The following SPIDR variants were observed in gnomAD, a reference collection of about 807,000 sequenced individuals.
SPIDR encodes the protein DNA repair-scaffolding protein.
In SPIDR, 93 loss-of-function variants were observed where a neutral mutation model predicts 104.6. The ratio of observed to expected loss-of-function variants is 0.89; its 90% confidence interval spans 0.75 to 1.06. The LOEUF (loss-of-function observed/expected upper bound fraction) is 1.06, where lower values mean the gene tolerates loss of function less well. SPIDR is among the 50% of genes least tolerant of loss of function. SPIDR has a pLI of 0.00. For missense variants in SPIDR, 1,154 were observed against 1,111.2 expected (o/e 1.04, Z -0.55); for synonymous variants, 431 against 416.9 (o/e 1.03, Z -0.41).
At chr8:47,712,249 C>CT (rs1282275173) in intron 14 of SPIDR, among the ~76,000 whole-genome samples, 4 of 152,208 alleles carry the variant, frequency 2.6e-5, no homozygotes, top group Non-Finnish European at 5.9e-5. Context: ...TGTACAAAGT[C>CT]TGAGGGCAAG....
At chr8:47,341,686 T>G (rs1478915165) in intron 5 of SPIDR, among the ~76,000 whole-genome samples, 3 of 152,212 alleles carry the variant, frequency 2.0e-5, no homozygotes, top group African/African-American at 7.2e-5. Flanking sequence ...ACCCACTTCC[T>G]AAGTTTTGGT....
At chr8:47,660,924 G>A (rs546138197) in intron 10 of SPIDR, 10 of 985,134 alleles carry the variant, frequency 1.0e-5, no homozygotes, top group Non-Finnish European at 1.2e-5. Flanking sequence ...GTAGGTGAAG[G>A]AAACCAAGAT....
intron 10 of SPIDR, among the ~76,000 whole-genome samples, chr8:47,628,984 C>G (rs2066632062): frequency 6.6e-6 from 1 of 152,104 alleles, no homozygotes; most frequent in African/African-American, 2.4e-5. Context: ...GAGTTTAGGG[C>G]CTTTGAAAAG....
intron 8 of SPIDR, among the ~76,000 whole-genome samples, chr8:47,465,982 A>T (rs2074711588): frequency 6.6e-6 from 1 of 152,126 alleles, no homozygotes; most frequent in Non-Finnish European, 1.5e-5. Flanking sequence ...AACTCCCCTA[A>T]ATATATATAC....
intron 5 of SPIDR, among the ~76,000 whole-genome samples, chr8:47,345,190 G>C (rs539753781): frequency 1.2e-4 from 18 of 152,314 alleles, no homozygotes; most frequent in African/African-American, 3.4e-4. Flanking sequence ...TGGCTAGCCA[G>C]TTTTCCCAGC....
At chr8:47,700,544 G>GC in intron 12 of SPIDR, 54 bp downstream of exon 12, 2 of 1,562,824 alleles carry the variant, frequency 1.3e-6, no homozygotes, top group Non-Finnish European at 1.8e-6. Flanking sequence ...CATGCCAGGT[G>GC]CCAAGCCAGG....
chr8:47,430,848 G>A (rs1394173678), intron 7 of SPIDR, among the ~76,000 whole-genome samples: 1 of 152,176 alleles, frequency 6.6e-6, no homozygotes, highest in East Asian at 1.9e-4. Context: ...CCTATTTTCT[G>A]AGCCAAAATT....
At position 47,438,984 on chromosome 8, in the gene SPIDR, CATATT is replaced by C. The variant is rs1554694382; in HGVS notation, c.878-1337_878-1333del. Among the ~76,000 whole-genome samples the C allele has an allele frequency of 8.5e-5, 13 of 152,178 alleles. 1 individual carries two copies. Among genetic ancestry groups the C allele is most frequent in the Non-Finnish European group, 1.9e-4 (13 of 68,026 alleles). ...AGTTGGCTGAAGTGGTAAAGAAACT[CATATT>C]AGTGAGTATCTGTTATTAACAAGGC... On this transcript the variant is annotated intron_variant, in intron 7 of 19. Transcript: ENST00000297423.
chr8:47,668,119 C>G (rs2075242980), intron 10 of SPIDR, among the ~76,000 whole-genome samples: 1 of 152,110 alleles, frequency 6.6e-6, no homozygotes, highest in African/African-American at 2.4e-5. Context: ...CTAATTATTT[C>G]TAACTGTCAA....
At chr8:47,299,896 A>G (rs2041716669) in intron 5 of SPIDR, among the ~76,000 whole-genome samples, 1 of 152,158 alleles carries the variant, frequency 6.6e-6, no homozygotes, top group South Asian at 2.1e-4. Flanking sequence ...CATCAGGGAT[A>G]TTGGTCTAAA....
intron 8 of SPIDR, among the ~76,000 whole-genome samples, chr8:47,504,502 T>G (rs1232300743): frequency 6.6e-6 from 1 of 152,226 alleles, no homozygotes; most frequent in Non-Finnish European, 1.5e-5. Context: ...CTTTAAGGAC[T>G]TCTCTGCATT....
intron 5 of SPIDR, among the ~76,000 whole-genome samples, chr8:47,348,611 T>C (rs1236888243): frequency 6.6e-6 from 1 of 152,260 alleles, no homozygotes; most frequent in Non-Finnish European, 1.5e-5. Flanking sequence ...ATAGATTTAG[T>C]GTTTTCACAT....
intron 11 of SPIDR, among the ~76,000 whole-genome samples, chr8:47,676,709 A>G (rs1162063153): frequency 1.3e-5 from 2 of 152,236 alleles, no homozygotes; most frequent in East Asian, 1.9e-4. Flanking sequence ...GGGCTAAGTC[A>G]CAGAGCCTCT....
Position 47,427,661 on chromosome 8 carries a change from A to T in SPIDR, c.878-12662A>T, listed in dbSNP as rs528751926. 2.6e-5 allele frequency among the ~76,000 whole-genome samples: 4 copies of T among 152,302 alleles called. No homozygotes were observed. The South Asian group carries it at 8.3e-4, about 32-fold the overall frequency. On this transcript the variant is annotated intron_variant, in intron 7 of 19. Coordinates refer to ENST00000297423, the MANE Select transcript of SPIDR (RefSeq NM_001080394.4). ...GTCTCTGTGCACCAGATGCAGGGGA[A>T]CGGGGAGGCTGGGGCGTCCCTGACC...
intron 5 of SPIDR, among the ~76,000 whole-genome samples, chr8:47,302,736 A>C (rs2042347894): frequency 6.6e-6 from 1 of 152,220 alleles, no homozygotes; most frequent in Non-Finnish European, 1.5e-5. Context: ...CCTGGGTATC[A>C]GCAGCGGAGG....
intron 10 of SPIDR, among the ~76,000 whole-genome samples, chr8:47,638,489 T>C (rs1254782565): frequency 2.0e-5 from 3 of 152,186 alleles, no homozygotes; most frequent in Non-Finnish European, 2.9e-5. Flanking sequence ...TTGGTAGTCA[T>C]GGCCAGATAG....
intron 8 of SPIDR, among the ~76,000 whole-genome samples, chr8:47,540,442 GA>G (rs1341027764): frequency 1.3e-5 from 2 of 152,052 alleles, no homozygotes; most frequent in Admixed American, 6.5e-5. Context: ...ATTTTACCAG[GA>G]AAAGCATTCA....
intron 8 of SPIDR, among the ~76,000 whole-genome samples, chr8:47,451,523 G>A (rs2154348662): frequency 6.6e-6 from 1 of 152,126 alleles, no homozygotes; most frequent in African/African-American, 2.4e-5. Flanking sequence ...GCAGGTTGCA[G>A]TGAGTTGAGA....
chr8:47,595,086 G>A (rs1170419153), intron 8 of SPIDR, among the ~76,000 whole-genome samples: 3 of 151,918 alleles, frequency 2.0e-5, no homozygotes, highest in Admixed American at 6.6e-5. Flanking sequence ...TTAGCCTGTT[G>A]GTCTCTTCTC....
Sources: allele counts gnomAD v4.1 joint callset (sites outside exome capture counted in the v4.1 genomes callset), GRCh38; gene constraint gnomAD v4.1.1; transcripts MANE v1.5; gene names NCBI Gene and HGNC (gene_info 2026-07-23, HGNC 2026-07-21).